Variants in BMP2K observed in about 807,000 individuals in gnomAD.
BMP2K encodes the protein BMP-2-inducible protein kinase.
Under a neutral mutation model 116.0 loss-of-function variants are expected in BMP2K, and 74 were observed. That is an observed-to-expected ratio of 0.64 (90% CI 0.53 to 0.77). The LOEUF is 0.77. Ranked by LOEUF, BMP2K falls within the 30% of genes least tolerant of loss-of-function variation. The probability of loss-of-function intolerance (pLI) is 0.00; values close to 1 mark genes in which losing one functional copy is unlikely to be tolerated. For missense variants in BMP2K, 1,365 were observed against 1,403.6 expected (o/e 0.97, Z 0.44); for synonymous variants, 486 against 502.5 (o/e 0.97, Z 0.44).
intron 2 of BMP2K, among the ~76,000 whole-genome samples, chr4:78,826,357 A>G (rs1577903034): frequency 6.6e-6 from 1 of 152,074 alleles, no homozygotes; most frequent in African/African-American, 2.4e-5. Context: ...GTCCATCACC[A>G]TACCTGGCTA....
At chr4:78,822,047 G>A (rs1020363857) in intron 1 of BMP2K, among the ~76,000 whole-genome samples, 3 of 152,104 alleles carry the variant, frequency 2.0e-5, no homozygotes, top group African/African-American at 7.2e-5. Context: ...CAGAGACTTG[G>A]CATCTCTAGA....
chr4:78,783,296 A>G (rs1243785058), intron 1 of BMP2K, among the ~76,000 whole-genome samples: 2 of 152,190 alleles, frequency 1.3e-5, no homozygotes, highest in Non-Finnish European at 2.9e-5. Flanking sequence ...AGGACACTAT[A>G]TACAATATTA....
intron 6 of BMP2K, among the ~76,000 whole-genome samples, chr4:78,850,137 G>C (rs919896656): frequency 6.6e-6 from 1 of 151,582 alleles, no homozygotes; most frequent in Non-Finnish European, 1.5e-5. Context: ...ATGATTTCTT[G>C]AGCCAAAAAA....
intron 10 of BMP2K, among the ~76,000 whole-genome samples, chr4:78,866,462 T>G (rs1732055673): frequency 6.6e-6 from 1 of 152,134 alleles, no homozygotes; most frequent in Admixed American, 6.5e-5. Context: ...GAGTCCTATT[T>G]CTCCCATTTT....
Position 78,877,407 on chromosome 4 carries a change from T to C in BMP2K, c.1794-1327T>C, listed in dbSNP as rs574342559. On this transcript the variant is annotated intron_variant, in intron 13 of 15. Transcript: ENST00000502613. The stretch of plus-strand genomic sequence containing the variant: ...CTATAAGTTTTTTCTTTTTTAACTT[T>C]TCTTTTTATACTTTTTTGTTGAAAA... Among the ~76,000 whole-genome samples the C allele has an allele frequency of 2.6e-5, 4 of 152,292 alleles. No homozygotes were observed. The South Asian group carries it at 8.3e-4, about 32-fold the overall frequency.
chr4:78,796,154 A>T (rs28635617), intron 1 of BMP2K, among the ~76,000 whole-genome samples: 4 of 152,020 alleles, frequency 2.6e-5, no homozygotes, highest in Non-Finnish European at 5.9e-5. Context: ...ATGTCCAACA[A>T]TGATAGACTG....
rs185788759 is a variant in BMP2K, at chr4:78,797,583, T to G, written c.178+20862T>G. 2.6e-5 allele frequency among the ~76,000 whole-genome samples: 4 copies of G among 152,296 alleles called. No individual in the cohort carries two copies. The East Asian group carries it at 7.7e-4, about 29-fold the overall frequency. ...ATTGTATGAAAACTAGATATTAATT[T>G]GGAGGGATTGGCATATTGAAAGTAT... On this transcript the variant is annotated intron_variant, in intron 1 of 15. Coordinates refer to ENST00000502613, the MANE Select transcript of BMP2K (RefSeq NM_198892.2).
chr4:78,882,013 A>T (rs904416390), intron 14 of BMP2K, among the ~76,000 whole-genome samples: 1 of 152,068 alleles, frequency 6.6e-6, no homozygotes, highest in African/African-American at 2.4e-5. Flanking sequence ...GAAAGCCTTT[A>T]TATGGTCCTT....
chr4:78,887,233 A>G lies in BMP2K; in HGVS notation c.2011A>G (p.Asn671Asp). 1 of 1,611,956 alleles carries G rather than the reference A, an allele frequency of 6.2e-7. No homozygotes were observed. The highest frequency in any genetic ancestry group is 1.1e-5 in the South Asian group (1 of 90,462). ...TGTAGACTCACTTTCTGCTCCACATAACCATCCTCCAGAAGATCCTTTTGG... is the reference window on the plus strand; with the variant it reads ...TGTAGACTCACTTTCTGCTCCACATGACCATCCTCCAGAAGATCCTTTTGG... ...KNVDSLSAPH[N>D]HPPEDPFGSV... is the part of the protein sequence containing the mutation. The change falls in exon 15 of 16, where the codon AAC (asparagine) becomes GAC (aspartate). Residue 671 changes from asparagine (N) to aspartate (D), a missense_variant. Asn to Asp is a conservative substitution (Grantham distance 23, BLOSUM62 1). Around this residue, in one of 3 missense-constraint regions of BMP2K, gnomAD observed 596 missense variants for 623.2 expected, o/e 0.96. Transcript: ENST00000502613.
Position 78,870,982 on chromosome 4 carries a change from ACAGCAGCAGCAGCAG to A in BMP2K, c.1446_1460del (p.Gln482_Gln486del), listed in dbSNP as rs752405558. 75 of 1,597,042 alleles carry A rather than the reference ACAGCAGCAGCAGCAG, an allele frequency of 4.7e-5. No homozygotes were observed. The East Asian group carries it at 1.2e-3, about 26-fold the overall frequency. The stretch of plus-strand genomic sequence containing the variant: ...AGCAACAGCAGCAGCAGCAACAGCA[ACAGCAGCAGCAGCAG>A]CAGCAGCAGCAGCACCACCACCACC... On this transcript the variant is annotated inframe_deletion, in exon 11 of 16. Coordinates refer to ENST00000502613, the MANE Select transcript of BMP2K (RefSeq NM_198892.2).
rs187768802 is a variant in BMP2K at position 78,811,919 on chromosome 4, A to G, written c.179-14118A>G. ...TACTTATAACTGTTACTGAAGTTCT[A>G]TCTAGTCTCAAGAAGTGGGAAATTT... On this transcript the variant is annotated intron_variant, in intron 1 of 15. Coordinates refer to ENST00000502613, the MANE Select transcript of BMP2K (RefSeq NM_198892.2). 9.2e-5 allele frequency among the ~76,000 whole-genome samples: 14 copies of G among 152,210 alleles called. No individual in the cohort carries two copies. The East Asian group carries it at 1.5e-3, about 17-fold the overall frequency.
At chr4:78,793,228 G>A (rs989214097) in intron 1 of BMP2K, among the ~76,000 whole-genome samples, 5 of 151,884 alleles carry the variant, frequency 3.3e-5, no homozygotes, top group Admixed American at 2.6e-4. Flanking sequence ...TGGCTAACAC[G>A]GTGAAACCTT....
intron 1 of BMP2K, among the ~76,000 whole-genome samples, chr4:78,811,949 C>T (rs1356686484): frequency 6.6e-6 from 1 of 152,034 alleles, no homozygotes; most frequent in East Asian, 1.9e-4. Context: ...AAATTTCCCA[C>T]ACTGAAGTTA....
rs1216979361 is a variant in BMP2K at position 78,839,450 on chromosome 4, A to G, written c.404-2935A>G. On this transcript the variant is annotated intron_variant, in intron 3 of 15. Coordinates refer to ENST00000502613, the MANE Select transcript of BMP2K (RefSeq NM_198892.2). Reference sequence around the variant, plus strand: ...GCCCAAATCAAAGAGCAGGAAATTTATCTGCCTCATTTATTGGGACAGACT... The same window carrying G: ...GCCCAAATCAAAGAGCAGGAAATTTGTCTGCCTCATTTATTGGGACAGACT... Among the ~76,000 whole-genome samples the G allele has an allele frequency of 2.6e-5, 4 of 152,198 alleles. No individual in the cohort carries two copies. In the South Asian group the frequency reaches 8.3e-4, roughly 32 times the overall value.
intron 15 of BMP2K, among the ~76,000 whole-genome samples, chr4:78,897,675 T>C (rs936069326): frequency 6.6e-6 from 1 of 152,202 alleles, no homozygotes; most frequent in Admixed American, 6.5e-5. Flanking sequence ...CTAAGTATCC[T>C]ACCATGTACA....
chr4:78,813,738 A>T (rs1451180909), intron 1 of BMP2K, among the ~76,000 whole-genome samples: 1 of 152,146 alleles, frequency 6.6e-6, no homozygotes, highest in Non-Finnish European at 1.5e-5. Flanking sequence ...TAAACATTTC[A>T]GCCTCCTCCA....
At position 78,865,673 on chromosome 4, in the gene BMP2K, C is replaced by T. The variant is rs1238104354; in HGVS notation, c.1184C>T (p.Pro395Leu). The T allele has an allele frequency of 1.2e-6, 2 of 1,614,108 alleles. No individual in the cohort carries two copies. Among genetic ancestry groups the T allele is most frequent in the South Asian group, 1.1e-5 (1 of 91,088 alleles). The change falls in exon 10 of 16, where the codon CCT becomes CTT. Residue 395 changes from proline (P) to leucine (L), a missense_variant. Pro to Leu is a moderately conservative substitution (Grantham distance 98). Transcript: ENST00000502613. ...SVLTIQSSATPVKVLAPGEFG... is the reference protein window; with the variant it reads ...SVLTIQSSATLVKVLAPGEFG... ...CTGACCATTCAAAGTTCAGCAACAC[C>T]TGTTAAAGTCCTTGCTCCTGGTGAA...
intron 3 of BMP2K, among the ~76,000 whole-genome samples, chr4:78,838,211 A>G (rs1730587416): frequency 1.3e-5 from 2 of 152,292 alleles, no homozygotes; most frequent in South Asian, 4.1e-4. Flanking sequence ...CGTGAGACTT[A>G]TTCACCATCA....
At chr4:78,857,590 AC>A (rs1423364219) in intron 7 of BMP2K, among the ~76,000 whole-genome samples, 5 of 152,096 alleles carry the variant, frequency 3.3e-5, no homozygotes, top group Non-Finnish European at 5.9e-5. Context: ...CTTGGATTAA[AC>A]CAGGCCGCAA....
Sources: gnomAD v4.1 joint callset for allele counts (sites outside exome capture counted in the v4.1 genomes callset) on GRCh38, gnomAD v4.1.1 for gene constraint, gnomAD v4.1.1 regional missense constraint, MANE v1.5 for transcripts, NCBI Gene and HGNC (gene_info 2026-07-23, HGNC 2026-07-21) for gene names.